Variants in ANKS1A observed in about 807,000 individuals in gnomAD.
ANKS1A encodes the protein ankyrin repeat and sterile alpha motif domain containing 1A, also known as ankyrin repeat and SAM domain-containing protein 1A.
ANKS1A carries 55 observed loss-of-function variants against 120.3 expected under a neutral mutation model. That is an observed-to-expected ratio of 0.46 (90% CI 0.37 to 0.57). The LOEUF (loss-of-function observed/expected upper bound fraction) is 0.57, where lower values mean the gene tolerates loss of function less well. Ranked by LOEUF, ANKS1A falls within the 20% of genes least tolerant of loss-of-function variation. The pLI is 0.00. For synonymous variants in ANKS1A, 590 were observed against 604.7 expected, an observed-to-expected ratio of 0.98 and a Z score of 0.36; for missense variants, 1,123 against 1,480.3, an observed-to-expected ratio of 0.76 and a Z score of 3.96.
At chr6:34,905,699 T>C (rs1767616541) in intron 1 of ANKS1A, among the ~76,000 whole-genome samples, 3 of 152,246 alleles carry the variant, frequency 2.0e-5, no homozygotes, top group Admixed American at 2.0e-4. Context: ...TTTGGTTTCA[T>C]GTGGCCGTCA....
downstream of ANKS1A, among the ~76,000 whole-genome samples, chr6:35,092,039 T>C (rs1006559787): frequency 2.6e-5 from 4 of 152,206 alleles, no homozygotes; most frequent in Non-Finnish European, 4.4e-5. Flanking sequence ...CCTTCACTGA[T>C]GGAGCACCTG....
chr6:35,052,868 G>T (rs1370319393), intron 11 of ANKS1A, among the ~76,000 whole-genome samples: 2 of 152,152 alleles, frequency 1.3e-5, no homozygotes, highest in Non-Finnish European at 2.9e-5. Context: ...TCAGTTTGCT[G>T]CAGGGGTCAG....
At chr6:35,049,871 C>T (rs1176597803) in intron 11 of ANKS1A, among the ~76,000 whole-genome samples, 1 of 152,196 alleles carries the variant, frequency 6.6e-6, no homozygotes, top group Non-Finnish European at 1.5e-5. Context: ...GAAAGGGAGC[C>T]AAGTTACACC....
chr6:34,935,627 A>G (rs1010762326), intron 1 of ANKS1A, among the ~76,000 whole-genome samples: 4 of 152,182 alleles, frequency 2.6e-5, no homozygotes, highest in Admixed American at 2.6e-4. Context: ...ACATAAATTA[A>G]TGTATTGCTA....
At chr6:34,994,263 C>T (rs371740907) in intron 9 of ANKS1A, 39 bp from the exon 10 acceptor site, 1 of 1,603,798 alleles carries the variant, frequency 6.2e-7, no homozygotes, top group Non-Finnish European at 8.5e-7. Flanking sequence ...TTGGTATTAG[C>T]CACATGCACA....
At chr6:35,035,730 T>TG (rs1474212311) in intron 11 of ANKS1A, among the ~76,000 whole-genome samples, 5 of 152,232 alleles carry the variant, frequency 3.3e-5, no homozygotes, top group African/African-American at 1.2e-4. Context: ...GTTGATTTAC[T>TG]AGTCATCCCT....
In ANKS1A at chr6:35,084,811, T is replaced by C. The variant is rs1049565130; in HGVS notation, c.3132+553T>C. On this transcript the variant is annotated intron_variant, in intron 21 of 23. Coordinates refer to ENST00000360359, the MANE Select transcript of ANKS1A (RefSeq NM_015245.3). This position sits in a 1 kb window ranked among gnomAD's most constrained non-coding sequence, Gnocchi z 4.8. The stretch of plus-strand genomic sequence containing the variant: ...TCAAATTCCTGCTGAGGCTCGGCTC[T>C]GGATGCCACTGGGCCGAGGAGAGTT... 4.6e-5 allele frequency among the ~76,000 whole-genome samples: 7 copies of C among 152,186 alleles called. No homozygotes were observed. Among genetic ancestry groups the C allele is most frequent in the African/African-American group, 1.7e-4 (7 of 41,456 alleles).
At chr6:34,935,569 C>A (rs1384887651) in intron 1 of ANKS1A, among the ~76,000 whole-genome samples, 1 of 152,160 alleles carries the variant, frequency 6.6e-6, no homozygotes, top group Non-Finnish European at 1.5e-5. Context: ...GCTCCCTTTC[C>A]GGTAGCTTTA....
At position 35,088,626 on chromosome 6, in the gene ANKS1A, A is replaced by G. The variant is rs1478049473; in HGVS notation, c.*17A>G. 3 of 1,614,004 alleles carry G rather than the reference A, an allele frequency of 1.9e-6. No individual in the cohort carries two copies. The highest frequency in any genetic ancestry group is 1.7e-5 in the Admixed American group (1 of 60,004). On this transcript the variant is annotated 3_prime_UTR_variant, in exon 24 of 24. Transcript: ENST00000360359. ...CCAAGCTGAGCCACTGAGGAACCACACTGTGCTGCGGAAACATAGACGTGG... is the reference window on the plus strand; with the variant it reads ...CCAAGCTGAGCCACTGAGGAACCACGCTGTGCTGCGGAAACATAGACGTGG...
chr6:34,977,065 C>T lies in ANKS1A; in HGVS notation c.436-4625C>T, dbSNP rs138032720. ...CCCTTTAGAGCAATTTTTTTATGAT[C>T]GAGAATCCAGTCCAGGATCATACAT... On this transcript the variant is annotated intron_variant, in intron 3 of 23. Coordinates refer to ENST00000360359, the MANE Select transcript of ANKS1A (RefSeq NM_015245.3). Among the ~76,000 whole-genome samples, 1,390 of 152,188 alleles carry T rather than the reference C, an allele frequency of 9.1e-3. 23 individuals are homozygous for T. Among genetic ancestry groups the T allele is most frequent in the African/African-American group, 0.031 (1,304 of 41,514 alleles).
chr6:35,052,609 T>TAAAAAAAAAAAAAAAAAAAAAA (rs59378149), intron 11 of ANKS1A, among the ~76,000 whole-genome samples: 5 of 102,418 alleles, frequency 4.9e-5, no homozygotes, highest in East Asian at 3.1e-4. Context: ...TCTTCTCTGT[T>TAAAAAAAAAAAAAAAAAAAAAA]AAAAAAAAAA....
intron 14 of ANKS1A, 141 bp downstream of exon 14, chr6:35,078,797 C>A: frequency 2.7e-6 from 2 of 748,338 alleles, no homozygotes; most frequent in Non-Finnish European, 4.4e-6. Context: ...ACCCTAGGAG[C>A]TCCGGAAGGG....
intron 10 of ANKS1A, among the ~76,000 whole-genome samples, chr6:35,004,365 G>A (rs1448010018): frequency 9.9e-5 from 15 of 152,126 alleles, no homozygotes; most frequent in Non-Finnish European, 1.8e-4. Flanking sequence ...GCTTACTCCT[G>A]TAATCCCAGC....
At chr6:35,056,713 TATAG>T (rs1776241669) in intron 12 of ANKS1A, among the ~76,000 whole-genome samples, 1 of 152,136 alleles carries the variant, frequency 6.6e-6, no homozygotes, top group African/African-American at 2.4e-5. Context: ...AACCATCCTC[TATAG>T]TCCAGCTTGG....
At chr6:34,996,476 C>CTT (rs869190207) in intron 10 of ANKS1A, among the ~76,000 whole-genome samples, 5 of 141,436 alleles carry the variant, frequency 3.5e-5, no homozygotes, top group South Asian at 2.2e-4. Flanking sequence ...GGTCACCAAT[C>CTT]TTTTTTTTTT....
intron 1 of ANKS1A, among the ~76,000 whole-genome samples, chr6:34,927,576 T>C (rs183056732): frequency 6.6e-6 from 1 of 152,192 alleles, no homozygotes; most frequent in East Asian, 1.9e-4. Context: ...AGTGAGGAGC[T>C]GTGGCACGGG....
intron 1 of ANKS1A, among the ~76,000 whole-genome samples, chr6:34,897,017 C>A (rs1767125041): frequency 6.6e-6 from 1 of 152,016 alleles, no homozygotes; most frequent in African/African-American, 2.4e-5. Context: ...GCACCTGTGG[C>A]CCCAGCTACT....
chr6:34,904,115 G>C (rs1486087892), intron 1 of ANKS1A, among the ~76,000 whole-genome samples: 2 of 152,134 alleles, frequency 1.3e-5, no homozygotes, highest in African/African-American at 4.8e-5. Flanking sequence ...CAGAATTCCA[G>C]CTCAAGTCCT....
At chr6:34,910,404 A>G (rs1767849389) in intron 1 of ANKS1A, among the ~76,000 whole-genome samples, 1 of 152,162 alleles carries the variant, frequency 6.6e-6, no homozygotes, top group African/African-American at 2.4e-5. Flanking sequence ...GTCTCTACAA[A>G]AAATTTAAAA....
Sources: gnomAD v4.1 joint callset for allele counts (sites outside exome capture counted in the v4.1 genomes callset) on GRCh38, gnomAD v4.1.1 for gene constraint, Gnocchi (gnomAD v3.1) non-coding constraint, MANE v1.5 for transcripts, NCBI Gene and HGNC (gene_info 2026-07-23, HGNC 2026-07-21) for gene names.